The following CPEB4 variants were observed in gnomAD, a reference collection of about 807,000 sequenced individuals.
CPEB4 encodes the protein cytoplasmic polyadenylation element binding protein 4, also known as cytoplasmic polyadenylation element-binding protein 4.
CPEB4 carries 12 observed loss-of-function variants against 72.5 expected under a neutral mutation model. That is an observed-to-expected ratio of 0.17 (90% CI 0.11 to 0.27). The LOEUF (loss-of-function observed/expected upper bound fraction) is 0.27, where lower values mean the gene tolerates loss of function less well. Among genes scored for constraint, CPEB4 ranks in the 10% least tolerant of loss-of-function variants. The probability of loss-of-function intolerance (pLI) is 1.00; values close to 1 mark genes in which losing one functional copy is unlikely to be tolerated. For synonymous variants in CPEB4, 302 were observed against 326.3 expected (o/e 0.93, Z 0.80); for missense variants, 614 against 908.5 (o/e 0.68, Z 4.17).
chr5:173,905,861 G>A (rs1319963680), intron 1 of CPEB4, among the ~76,000 whole-genome samples: 5 of 152,180 alleles, frequency 3.3e-5, no homozygotes, highest in Non-Finnish European at 7.3e-5. Context: ...TTTGGAGTTA[G>A]GACAGGGACA....
rs1469462101 is a variant in CPEB4 at position 173,957,608 on chromosome 5, T to C, written c.*1471T>C. ...TTGAAGCCCTAGTCATGGAAGTAAC[T>C]TTTATTTTAATTGACATTCTCTTAT... On this transcript the variant is annotated 3_prime_UTR_variant, in exon 10 of 10. Transcript: ENST00000265085. 2 of 152,788 alleles carry C rather than the reference T, an allele frequency of 1.3e-5. No individual in the cohort carries two copies. The highest frequency in any genetic ancestry group is 2.4e-5 in the African/African-American group (1 of 41,460). The allele number at this position is 152,788 out of a possible 1,614,324, so 9.5% of individuals were successfully genotyped here.
At chr5:173,947,553 G>T (rs1561631239) in intron 5 of CPEB4, among the ~76,000 whole-genome samples, 1 of 152,132 alleles carries the variant, frequency 6.6e-6, no homozygotes, top group Non-Finnish European at 1.5e-5. Context: ...TACAGGTATT[G>T]GGAGCTAGGT....
chr5:173,899,882 G>A (rs920195127), intron 1 of CPEB4, among the ~76,000 whole-genome samples: 3 of 152,144 alleles, frequency 2.0e-5, no homozygotes, highest in Admixed American at 6.5e-5. Flanking sequence ...TATGGCAAAC[G>A]TGATACTTCT....
chr5:173,944,931 T>C, intron 4 of CPEB4, 36 bp from the exon 5 acceptor site: 1 of 1,570,822 alleles, frequency 6.4e-7, no homozygotes, highest in Non-Finnish European at 8.7e-7. Context: ...CAAGGAACAT[T>C]TTCTGTTACC....
At chr5:173,892,158 G>A (rs1755835310) in intron 1 of CPEB4, among the ~76,000 whole-genome samples, 1 of 152,072 alleles carries the variant, frequency 6.6e-6, no homozygotes, top group African/African-American at 2.4e-5. Context: ...ATTAGTAATT[G>A]ACTGAGAGGG....
chr5:173,932,657 T>C (rs1757487941), intron 3 of CPEB4, among the ~76,000 whole-genome samples, 157 bp downstream of exon 3: 1 of 152,214 alleles, frequency 6.6e-6, no homozygotes, highest in Admixed American at 6.5e-5. Flanking sequence ...TAGCTCACAA[T>C]TGTGGCAGAA....
chr5:173,914,027 A>G (rs960774975), intron 2 of CPEB4, among the ~76,000 whole-genome samples: 4 of 152,232 alleles, frequency 2.6e-5, no homozygotes, highest in African/African-American at 7.2e-5. Context: ...TTAGGTGCCA[A>G]TCTGGCTTGA....
At position 173,902,022 on chromosome 5, in the gene CPEB4, T is replaced by C. The variant is rs373941525; in HGVS notation, c.1126-8501T>C. ...GTGAGGGTCATTTGGAAGTGGAATCTTGAAAGTTGACTGGATAGTCCACTC... is the reference window on the plus strand; with the variant it reads ...GTGAGGGTCATTTGGAAGTGGAATCCTGAAAGTTGACTGGATAGTCCACTC... On this transcript the variant is annotated intron_variant, in intron 1 of 9. Transcript: ENST00000265085. 6.2e-4 allele frequency among the ~76,000 whole-genome samples: 94 copies of C among 152,292 alleles called. 1 individual carries two copies. Among genetic ancestry groups the C allele is most frequent in the Non-Finnish European group, 5.3e-4 (36 of 68,012 alleles).
chr5:173,916,480 C>T (rs1392321140), intron 2 of CPEB4, among the ~76,000 whole-genome samples: 1 of 152,224 alleles, frequency 6.6e-6, no homozygotes, highest in Admixed American at 6.5e-5. Flanking sequence ...ACATCACTGC[C>T]TCACGTGTTT....
intron 1 of CPEB4, among the ~76,000 whole-genome samples, chr5:173,908,542 C>G (rs1035360200): frequency 2.6e-5 from 4 of 152,166 alleles, no homozygotes; most frequent in South Asian, 2.1e-4. Flanking sequence ...TAAAACCACT[C>G]AGCGCACATT....
intron 2 of CPEB4, among the ~76,000 whole-genome samples, chr5:173,916,690 A>T (rs1351155772): frequency 6.6e-6 from 1 of 152,186 alleles, no homozygotes; most frequent in Non-Finnish European, 1.5e-5. Context: ...TGCTTAAATG[A>T]GTGGGCAAGT....
Position 173,890,716 on chromosome 5 carries a change from T to C in CPEB4, c.983T>C (p.Leu328Pro). ...RRGLNGGITP[L>P]NSISPLKKNF... Reference sequence around the variant, plus strand: ...GGGCTGAATGGTGGAATAACGCCCCTGAACTCCATCTCGCCTTTGAAGAAA... The same window carrying C: ...GGGCTGAATGGTGGAATAACGCCCCCGAACTCCATCTCGCCTTTGAAGAAA... The change falls in exon 1 of 10, where the codon CTG (leucine) becomes CCG (proline). Residue 328 changes from leucine (L) to proline (P), a missense_variant. Leu to Pro is a moderately conservative substitution (Grantham distance 98). Coordinates refer to ENST00000265085, the MANE Select transcript of CPEB4 (RefSeq NM_030627.4). 1.2e-6 allele frequency: 2 copies of C among 1,614,224 alleles called. No individual in the cohort carries two copies. The highest frequency in any genetic ancestry group is 1.7e-6 in the Non-Finnish European group (2 of 1,180,038).
chr5:173,897,512 A>G (rs1344888885), intron 1 of CPEB4, among the ~76,000 whole-genome samples: 2 of 152,226 alleles, frequency 1.3e-5, no homozygotes, highest in African/African-American at 4.8e-5. Flanking sequence ...TAAAAAATGA[A>G]TCAGTAACAT....
At chr5:173,919,050 A>G (rs1396169661) in intron 2 of CPEB4, among the ~76,000 whole-genome samples, 6 of 152,308 alleles carry the variant, frequency 3.9e-5, no homozygotes, top group South Asian at 2.1e-4. Context: ...TTTTTAATAC[A>G]TAATTTTTTC....
At chr5:173,927,827 G>A (rs915191610) in intron 2 of CPEB4, among the ~76,000 whole-genome samples, 1 of 151,936 alleles carries the variant, frequency 6.6e-6, no homozygotes, top group Non-Finnish European at 1.5e-5. Context: ...TTATGCCTAC[G>A]CAAAAGCCTG....
At chr5:173,894,887 A>G (rs962709434) in intron 1 of CPEB4, among the ~76,000 whole-genome samples, 4 of 152,320 alleles carry the variant, frequency 2.6e-5, no homozygotes, top group South Asian at 2.1e-4. Context: ...ACAGTGATAC[A>G]TGATGATCAA....
At position 173,890,288 on chromosome 5, in the gene CPEB4, A is replaced by T. The variant is rs775387238; in HGVS notation, c.555A>T (p.Glu185Asp). The change falls in exon 1 of 10, where the codon GAA becomes GAT. Residue 185 changes from glutamate (E) to aspartate (D), a missense_variant. Coordinates refer to ENST00000265085, the MANE Select transcript of CPEB4 (RefSeq NM_030627.4). Reference sequence around the variant, plus strand: ...CTTCCTCCTCTACAATAATCAATGAAGATGCAAGTTTCTTTCACCAGGGAG... The same window carrying T: ...CTTCCTCCTCTACAATAATCAATGATGATGCAAGTTTCTTTCACCAGGGAG... ...IAPSSSTIIN[E>D]DASFFHQGGV... The T allele has an allele frequency of 1.1e-4, 180 of 1,613,956 alleles. No homozygotes were observed. Among genetic ancestry groups the T allele is most frequent in the Non-Finnish European group, 1.5e-4 (173 of 1,180,008 alleles).
intron 1 of CPEB4, among the ~76,000 whole-genome samples, chr5:173,898,925 G>A (rs1390007187): frequency 2.0e-5 from 3 of 152,122 alleles, no homozygotes; most frequent in East Asian, 3.8e-4. Flanking sequence ...TTTGGCCTCC[G>A]GAAGTGCTGG....
Position 173,888,650 on chromosome 5 carries a change from TCTC to T in CPEB4, c.-1081_-1079del, listed in dbSNP as rs1291804761. 5.0e-6 allele frequency: 2 copies of T among 400,554 alleles called. No individual in the cohort carries two copies. The highest frequency in any genetic ancestry group is 8.8e-6 in the Non-Finnish European group (2 of 226,992). 24.8% of individuals were successfully genotyped at this position (400,554 alleles called of 1,614,324 possible). On this transcript the variant is annotated 5_prime_UTR_variant, in exon 1 of 10. Coordinates refer to ENST00000265085, the MANE Select transcript of CPEB4 (RefSeq NM_030627.4). This position sits in a 1 kb window ranked among gnomAD's most constrained non-coding sequence, Gnocchi z 4.3. ...AGAGAAAGCCGAGGGGGGAGGCCCT[TCTC>T]CTTTAAAATAACTACGGTAGTGGGT...
Sources: allele counts gnomAD v4.1 joint callset (sites outside exome capture counted in the v4.1 genomes callset), GRCh38; gene constraint gnomAD v4.1.1; non-coding constraint Gnocchi (gnomAD v3.1); transcripts MANE v1.5; gene names NCBI Gene and HGNC (gene_info 2026-07-23, HGNC 2026-07-21).